The following CADPS2 variants were observed in gnomAD, a reference collection of about 807,000 sequenced individuals.
The protein encoded by CADPS2 is calcium dependent secretion activator 2, also known as calcium-dependent secretion activator 2.
Under a neutral mutation model 172.5 loss-of-function variants are expected in CADPS2, and 93 were observed. That is an observed-to-expected ratio of 0.54 (90% CI 0.46 to 0.64). The LOEUF (loss-of-function observed/expected upper bound fraction) is 0.64. Among genes scored for constraint, CADPS2 ranks in the 30% least tolerant of loss-of-function variants. CADPS2 has a pLI of 0.00. For missense variants in CADPS2, 1,420 were observed against 1,565.9 expected, an observed-to-expected ratio of 0.91 and a Z score of 1.57; for synonymous variants, 546 against 555.2, an observed-to-expected ratio of 0.98 and a Z score of 0.23.
intron 1 of CADPS2, among the ~76,000 whole-genome samples, chr7:122,852,731 T>C (rs1814024266): frequency 6.6e-6 from 1 of 152,112 alleles, no homozygotes; most frequent in African/African-American, 2.4e-5. Flanking sequence ...GGACAGATCA[T>C]GTAGGGTCTG....
chr7:122,858,855 T>C (rs1395313777), intron 1 of CADPS2, among the ~76,000 whole-genome samples: 1 of 152,172 alleles, frequency 6.6e-6, no homozygotes, highest in Non-Finnish European at 1.5e-5. Flanking sequence ...TAAGCAAATA[T>C]GCTACATACA....
chr7:122,765,786 T>C (rs2093530364), intron 1 of CADPS2, among the ~76,000 whole-genome samples: 2 of 152,148 alleles, frequency 1.3e-5, no homozygotes, highest in South Asian at 2.1e-4. Context: ...TTTATCTCTA[T>C]TTTATAGTTG....
At chr7:122,773,439 A>T (rs1188601761) in intron 1 of CADPS2, among the ~76,000 whole-genome samples, 1 of 152,056 alleles carries the variant, frequency 6.6e-6, no homozygotes, top group East Asian at 1.9e-4. Flanking sequence ...ATAATATGAA[A>T]ATGGAGACAT....
At chr7:122,442,784 G>GT (rs148549043) in intron 15 of CADPS2, among the ~76,000 whole-genome samples, 3,803 of 148,470 alleles carry the variant, frequency 0.026, 63 homozygotes, top group Middle Eastern at 0.048. Context: ...AGTCACTCAA[G>GT]TTTTTTTTTT....
intron 1 of CADPS2, among the ~76,000 whole-genome samples, chr7:122,820,696 A>C (rs1802977328): frequency 7.6e-6 from 1 of 131,310 alleles, no homozygotes; most frequent in African/African-American, 3.0e-5. Context: ...AGTAGCTGGG[A>C]CTACAGGCGC....
At chr7:122,651,177 T>C (rs771508209) in intron 3 of CADPS2, among the ~76,000 whole-genome samples, 20 of 151,832 alleles carry the variant, frequency 1.3e-4, no homozygotes, top group Non-Finnish European at 2.4e-4. Context: ...TAACTGTCAG[T>C]AGAATGTGCT....
intron 1 of CADPS2, among the ~76,000 whole-genome samples, chr7:122,835,900 C>T (rs1004109676): frequency 1.3e-5 from 2 of 152,064 alleles, no homozygotes; most frequent in African/African-American, 2.4e-5. Flanking sequence ...CAAGGCAGGC[C>T]AACATTCAAA....
chr7:122,555,556 G>T (rs977352523), intron 7 of CADPS2, among the ~76,000 whole-genome samples: 4 of 152,054 alleles, frequency 2.6e-5, no homozygotes, highest in Non-Finnish European at 4.4e-5. Context: ...GTTTAGATAT[G>T]AATGGAAGAA....
chr7:122,480,134 T>C (rs748291269), intron 12 of CADPS2: 52 of 471,046 alleles, frequency 1.1e-4, no homozygotes, highest in Non-Finnish European at 2.3e-4. Flanking sequence ...ACCAGCCTCT[T>C]CCCCACCCCT....
intron 25 of CADPS2, among the ~76,000 whole-genome samples, chr7:122,376,398 AAAG>A (rs2042359436): frequency 6.6e-6 from 1 of 152,178 alleles, no homozygotes; most frequent in African/African-American, 2.4e-5. Flanking sequence ...TTCAGCCTCA[AAAG>A]AAGGAAATCC....
chr7:122,562,950 T>A (rs1346249830), intron 7 of CADPS2, among the ~76,000 whole-genome samples: 3 of 152,196 alleles, frequency 2.0e-5, no homozygotes, highest in African/African-American at 7.2e-5. Context: ...ATTATGTTTA[T>A]ATTACTAACA....
chr7:122,667,031 C>CT (rs1030974516), intron 2 of CADPS2, among the ~76,000 whole-genome samples: 1 of 152,144 alleles, frequency 6.6e-6, no homozygotes, highest in Admixed American at 6.5e-5. Context: ...CTCCTATATT[C>CT]TTTAGAGTTT....
intron 1 of CADPS2, among the ~76,000 whole-genome samples, chr7:122,802,596 C>T (rs1797893068): frequency 6.6e-6 from 1 of 152,196 alleles, no homozygotes; most frequent in African/African-American, 2.4e-5. Flanking sequence ...AACAACTAAA[C>T]AATGCTTACC....
chr7:122,559,317 A>G (rs1271371923), intron 7 of CADPS2, among the ~76,000 whole-genome samples: 4 of 152,128 alleles, frequency 2.6e-5, no homozygotes, highest in Non-Finnish European at 5.9e-5. Context: ...ACATTACTCT[A>G]GGTTCTCAAG....
chr7:122,459,200 T>C (rs1354339120), intron 14 of CADPS2, among the ~76,000 whole-genome samples: 1 of 151,844 alleles, frequency 6.6e-6, no homozygotes. Flanking sequence ...TTAAATATTC[T>C]AATTTATAAT....
intron 28 of CADPS2, among the ~76,000 whole-genome samples, chr7:122,336,559 G>A (rs1236531967): frequency 6.6e-6 from 1 of 152,148 alleles, no homozygotes; most frequent in Non-Finnish European, 1.5e-5. Flanking sequence ...ATACATGAAA[G>A]CAATGCTAAA....
chr7:122,648,454 A>T (rs2078790019), intron 3 of CADPS2, among the ~76,000 whole-genome samples: 1 of 152,144 alleles, frequency 6.6e-6, no homozygotes, highest in Non-Finnish European at 1.5e-5. Context: ...CACAAAACAG[A>T]ACCCTTGATC....
intron 20 of CADPS2, 44 bp downstream of exon 20, chr7:122,407,496 C>T: frequency 7.6e-6 from 12 of 1,577,404 alleles, no homozygotes; most frequent in Non-Finnish European, 1.0e-5. Context: ...AACATTCTCC[C>T]ACCCCTCCCC....
Position 122,649,210 on chromosome 7 carries a change from T to A in CADPS2, c.786+14027A>T, listed in dbSNP as rs1414582585. On this transcript the variant is annotated intron_variant, in intron 3 of 29. Coordinates refer to ENST00000449022, the MANE Select transcript of CADPS2 (RefSeq NM_017954.11). ...ACCTCCCTAACAGATTCCAATCCAT[T>A]TCATGATCCTCATGCCTTTGTAAAA... Among the ~76,000 whole-genome samples, 3 of 152,092 alleles carry A rather than the reference T, an allele frequency of 2.0e-5. No individual in the cohort carries two copies. In the East Asian group the frequency reaches 5.8e-4, roughly 29 times the overall value.
Sources: gnomAD v4.1 joint callset for allele counts (sites outside exome capture counted in the v4.1 genomes callset) on GRCh38, gnomAD v4.1.1 for gene constraint, MANE v1.5 for transcripts, NCBI Gene and HGNC (gene_info 2026-07-23, HGNC 2026-07-21) for gene names.